The following CNTNAP5 variants were observed in gnomAD, a reference collection of about 807,000 sequenced individuals.
CNTNAP5 encodes the protein contactin associated protein family member 5, also known as contactin-associated protein-like 5.
In CNTNAP5, 72 loss-of-function variants were observed where a neutral mutation model predicts 150.2. The ratio of observed to expected loss-of-function variants is 0.48; its 90% confidence interval spans 0.40 to 0.58. CNTNAP5 has a LOEUF of 0.58. Ranked by LOEUF, CNTNAP5 falls within the 20% of genes least tolerant of loss-of-function variation. The pLI, the probability that CNTNAP5 is intolerant of heterozygous loss-of-function variation, is 0.00. For synonymous variants in CNTNAP5, 672 were observed against 619.8 expected (o/e 1.08, Z -1.25); for missense variants, 1,636 against 1,626.2 (o/e 1.01, Z -0.10).
At chr2:124,265,167 A>C (rs779974) in intron 3 of CNTNAP5, among the ~76,000 whole-genome samples, 1 of 152,042 alleles carries the variant, frequency 6.6e-6, no homozygotes, top group South Asian at 2.1e-4. Flanking sequence ...TCACACTGTC[A>C]CTTCCCCACC....
intron 2 of CNTNAP5, among the ~76,000 whole-genome samples, chr2:124,232,685 T>A (rs908467813): frequency 3.9e-5 from 6 of 152,196 alleles, no homozygotes. Context: ...TGGTTGATCA[T>A]GTCTGGACTT....
intron 3 of CNTNAP5, among the ~76,000 whole-genome samples, chr2:124,302,503 G>A (rs182688992): frequency 4.8e-4 from 73 of 152,290 alleles, no homozygotes; most frequent in Non-Finnish European, 8.7e-4. Flanking sequence ...GAAGGGACAC[G>A]GAGGGTGAGG....
intron 3 of CNTNAP5, among the ~76,000 whole-genome samples, 177 bp from the exon 4 acceptor site, chr2:124,417,266 A>G (rs1691942935): frequency 6.6e-6 from 1 of 152,146 alleles, no homozygotes; most frequent in African/African-American, 2.4e-5. Context: ...GAATAATGTG[A>G]AGTATTTCTG....
chr2:124,267,538 G>A (rs950694245), intron 3 of CNTNAP5, among the ~76,000 whole-genome samples: 5 of 152,032 alleles, frequency 3.3e-5, no homozygotes, highest in Non-Finnish European at 7.4e-5. Flanking sequence ...TGGCCCATCA[G>A]GAAGACTAAA....
intron 19 of CNTNAP5, among the ~76,000 whole-genome samples, chr2:124,822,425 T>A (rs1318113812): frequency 1.3e-5 from 2 of 152,198 alleles, no homozygotes; most frequent in Admixed American, 6.5e-5. Context: ...ATAATTACAG[T>A]CATACTATTG....
chr2:124,499,173 T>C (rs1694219481), intron 7 of CNTNAP5, among the ~76,000 whole-genome samples: 1 of 152,200 alleles, frequency 6.6e-6, no homozygotes, highest in African/African-American at 2.4e-5. Context: ...TAAATATTTG[T>C]AACAAGAATC....
intron 7 of CNTNAP5, among the ~76,000 whole-genome samples, chr2:124,494,198 T>G (rs758650454): frequency 1.3e-5 from 2 of 151,656 alleles, no homozygotes; most frequent in Non-Finnish European, 2.9e-5. Flanking sequence ...ACTGGGATGT[T>G]TATAGCGTGA....
At chr2:124,521,046 T>G (rs1280328633) in intron 8 of CNTNAP5, among the ~76,000 whole-genome samples, 1 of 152,212 alleles carries the variant, frequency 6.6e-6, no homozygotes, top group African/African-American at 2.4e-5. Context: ...TTGAAACCCA[T>G]GCCTGGGCAG....
intron 3 of CNTNAP5, among the ~76,000 whole-genome samples, chr2:124,403,214 G>T (rs900492161): frequency 2.0e-5 from 3 of 152,118 alleles, no homozygotes; most frequent in Admixed American, 2.0e-4. Context: ...GTATTAGCAG[G>T]TCGTTGCTTC....
intron 19 of CNTNAP5, among the ~76,000 whole-genome samples, chr2:124,817,201 T>A (rs2104664734): frequency 6.6e-6 from 1 of 152,334 alleles, no homozygotes; most frequent in African/African-American, 2.4e-5. Context: ...TATAAATTTT[T>A]AAAACATGCT....
At chr2:124,062,635 C>T (rs893545778) in intron 1 of CNTNAP5, among the ~76,000 whole-genome samples, 3 of 152,122 alleles carry the variant, frequency 2.0e-5, no homozygotes, top group African/African-American at 4.8e-5. Flanking sequence ...TTTATATACA[C>T]AGTGAAAGAA....
intron 3 of CNTNAP5, among the ~76,000 whole-genome samples, chr2:124,321,471 A>G (rs1272454178): frequency 6.6e-6 from 1 of 152,034 alleles, no homozygotes; most frequent in African/African-American, 2.4e-5. Context: ...AAGAAAAAGA[A>G]AAAAAGAAAA....
intron 3 of CNTNAP5, among the ~76,000 whole-genome samples, chr2:124,249,753 C>T (rs1405895183): frequency 6.6e-6 from 1 of 152,174 alleles, no homozygotes; most frequent in East Asian, 1.9e-4. Context: ...TCATATTTGG[C>T]TCAGAATCAA....
intron 19 of CNTNAP5, among the ~76,000 whole-genome samples, chr2:124,862,213 C>CA (rs1311409151): frequency 2.6e-5 from 4 of 151,970 alleles, no homozygotes; most frequent in African/African-American, 9.7e-5. Flanking sequence ...TTTATATGAA[C>CA]AAAAAATGAT....
intron 22 of CNTNAP5, among the ~76,000 whole-genome samples, chr2:124,904,448 A>G (rs1228629580): frequency 6.6e-6 from 1 of 152,094 alleles, no homozygotes; most frequent in East Asian, 1.9e-4. Flanking sequence ...AGAAAGCTGC[A>G]GGCATCTCAC....
At chr2:124,400,127 A>AT (rs1392124683) in intron 3 of CNTNAP5, among the ~76,000 whole-genome samples, 1 of 151,264 alleles carries the variant, frequency 6.6e-6, no homozygotes. Flanking sequence ...AAAAAAAAAA[A>AT]ATAGGGAAAC....
In CNTNAP5 at chr2:124,106,913, C is replaced by G. The variant is rs144489567; in HGVS notation, c.82+81181C>G. Among the ~76,000 whole-genome samples the G allele has an allele frequency of 2.5e-3, 379 of 151,544 alleles. 1 individual carries two copies. The highest frequency in any genetic ancestry group is 8.6e-3 in the African/African-American group (356 of 41,396). On this transcript the variant is annotated intron_variant, in intron 1 of 23. Coordinates refer to ENST00000682447, the MANE Select transcript of CNTNAP5 (RefSeq NM_001367498.1). ...AGAATTGAGTTGAATTGTTCAACAA[C>G]CATTGGTGCCTAGAGACTTGAAAAT...
At chr2:124,175,480 A>C (rs1216631654) in intron 1 of CNTNAP5, among the ~76,000 whole-genome samples, 1 of 152,074 alleles carries the variant, frequency 6.6e-6, no homozygotes, top group Non-Finnish European at 1.5e-5. Context: ...GGGTACACGT[A>C]CAAGTTTGTT....
At chr2:124,058,610 C>A (rs1281988394) in intron 1 of CNTNAP5, among the ~76,000 whole-genome samples, 3 of 152,106 alleles carry the variant, frequency 2.0e-5, no homozygotes, top group Non-Finnish European at 2.9e-5. Flanking sequence ...TATCTCACTG[C>A]ATTTAAATGT....
Sources: gnomAD v4.1 joint callset for allele counts (sites outside exome capture counted in the v4.1 genomes callset) on GRCh38, gnomAD v4.1.1 for gene constraint, MANE v1.5 for transcripts, NCBI Gene and HGNC (gene_info 2026-07-23, HGNC 2026-07-21) for gene names.